TSPAN18: variants seen among roughly 807,000 people sequenced by gnomAD.
The protein encoded by TSPAN18 is tetraspanin 18, also known as tetraspanin-18.
TSPAN18 carries 14 observed loss-of-function variants against 27.3 expected under a neutral mutation model. The observed-to-expected ratio is 0.51, with a 90% CI of 0.34 to 0.80. TSPAN18 has a LOEUF of 0.80. TSPAN18 is among the 30% of genes least tolerant of loss of function. The pLI is 0.01. For missense variants in TSPAN18, 268 were observed against 323.9 expected (o/e 0.83, Z 1.32); for synonymous variants, 143 against 136.5 (o/e 1.05, Z -0.33).
At chr11:44,845,720 G>T (rs1024314152) in intron 2 of TSPAN18, among the ~76,000 whole-genome samples, 2 of 152,214 alleles carry the variant, frequency 1.3e-5, no homozygotes, top group Non-Finnish European at 2.9e-5. Context: ...CCTAGAAATG[G>T]GTGAGCCTGT....
intron 5 of TSPAN18, 126 bp from the exon 6 acceptor site, chr11:44,917,846 G>T (rs996763191): frequency 3.9e-6 from 3 of 762,280 alleles, no homozygotes; most frequent in Non-Finnish European, 6.7e-6. Flanking sequence ...TAGCAGTGGA[G>T]TGCCTTAATC....
At chr11:44,843,700 G>A (rs1463222874) in intron 2 of TSPAN18, among the ~76,000 whole-genome samples, 1 of 152,148 alleles carries the variant, frequency 6.6e-6, no homozygotes, top group East Asian at 1.9e-4. Context: ...ACCCCTAGGT[G>A]CGCATTCTCT....
chr11:44,819,259 C>T (rs943220600), intron 2 of TSPAN18, among the ~76,000 whole-genome samples: 2 of 152,110 alleles, frequency 1.3e-5, no homozygotes, highest in African/African-American at 2.4e-5. Context: ...GGAATTTGCA[C>T]CCACGCAAGC....
At chr11:44,835,205 A>G (rs1857240576) in intron 2 of TSPAN18, among the ~76,000 whole-genome samples, 1 of 152,228 alleles carries the variant, frequency 6.6e-6, no homozygotes, top group Non-Finnish European at 1.5e-5. Flanking sequence ...GGTCCCCGAC[A>G]GCACTGCTGG....
chr11:44,856,761 T>A (rs7120746), intron 2 of TSPAN18, among the ~76,000 whole-genome samples: 68,339 of 151,996 alleles, frequency 0.45, 15,764 homozygotes, highest in African/African-American at 0.5. Flanking sequence ...CTCTGTTGAA[T>A]TCAAGACCAG....
At chr11:44,770,357 G>C (rs1855664000) in intron 2 of TSPAN18, among the ~76,000 whole-genome samples, 1 of 152,154 alleles carries the variant, frequency 6.6e-6, no homozygotes, top group African/African-American at 2.4e-5. Context: ...AATTTGAGCA[G>C]AGACCTAAAG....
chr11:44,872,418 G>A (rs928289383), intron 3 of TSPAN18, among the ~76,000 whole-genome samples: 1 of 152,168 alleles, frequency 6.6e-6, no homozygotes, highest in Non-Finnish European at 1.5e-5. Flanking sequence ...AACCTCATAG[G>A]GTTGCCACGA....
At chr11:44,741,367 G>A (rs1253932303) in intron 1 of TSPAN18, among the ~76,000 whole-genome samples, 2 of 151,858 alleles carry the variant, frequency 1.3e-5, no homozygotes, top group Admixed American at 6.6e-5. Context: ...CTATGTAATC[G>A]AATTTAAATA....
intron 1 of TSPAN18, among the ~76,000 whole-genome samples, chr11:44,742,927 G>T (rs1175198867): frequency 6.6e-6 from 1 of 152,224 alleles, no homozygotes; most frequent in African/African-American, 2.4e-5. Flanking sequence ...TCTTGGATCT[G>T]CAGAGGGACA....
At chr11:44,813,938 A>G (rs1370155116) in intron 2 of TSPAN18, among the ~76,000 whole-genome samples, 1 of 152,238 alleles carries the variant, frequency 6.6e-6, no homozygotes, top group Non-Finnish European at 1.5e-5. Context: ...TCAAGGGTGC[A>G]GAGATCCTGG....
At chr11:44,785,267 C>G (rs999098084) in intron 2 of TSPAN18, among the ~76,000 whole-genome samples, 2 of 152,186 alleles carry the variant, frequency 1.3e-5, no homozygotes, top group African/African-American at 4.8e-5. Flanking sequence ...CCTGAAGTCA[C>G]CTTTTTCCCA....
chr11:44,741,361 G>A (rs921103828), intron 1 of TSPAN18, among the ~76,000 whole-genome samples: 3 of 152,056 alleles, frequency 2.0e-5, no homozygotes, highest in African/African-American at 2.4e-5. Context: ...TGGTTGCTAT[G>A]TAATCGAATT....
chr11:44,882,925 C>T (rs1858536885), intron 3 of TSPAN18, among the ~76,000 whole-genome samples: 2 of 152,330 alleles, frequency 1.3e-5, no homozygotes, highest in Middle Eastern at 3.4e-3. Flanking sequence ...GAAGCCCCGT[C>T]GGAGTCCTGC....
intron 8 of TSPAN18, among the ~76,000 whole-genome samples, chr11:44,921,424 C>T (rs184088041): frequency 2.6e-5 from 4 of 152,306 alleles, no homozygotes; most frequent in East Asian, 1.9e-4. Context: ...ATGGTTATCA[C>T]ACCCCATGAC....
chr11:44,808,666 T>C (rs1856652638), intron 2 of TSPAN18, among the ~76,000 whole-genome samples: 6 of 152,164 alleles, frequency 3.9e-5, no homozygotes, highest in Admixed American at 3.9e-4. Context: ...ATGAAGTTAC[T>C]CTCTGGGGCC....
intron 2 of TSPAN18, among the ~76,000 whole-genome samples, chr11:44,798,036 C>CT (rs1165292169): frequency 6.6e-6 from 1 of 152,054 alleles, no homozygotes; most frequent in Non-Finnish European, 1.5e-5. Context: ...ACCACAGTGC[C>CT]TTTTTTTGTT....
intron 3 of TSPAN18, among the ~76,000 whole-genome samples, chr11:44,864,010 C>T (rs570313112): frequency 5.9e-5 from 9 of 151,606 alleles, no homozygotes; most frequent in African/African-American, 1.2e-4. Flanking sequence ...TGATGGGGAC[C>T]GGGCACGGTG....
At chr11:44,885,444 G>A (rs1018828951) in intron 3 of TSPAN18, among the ~76,000 whole-genome samples, 12 of 152,258 alleles carry the variant, frequency 7.9e-5, no homozygotes, top group South Asian at 6.2e-4. Flanking sequence ...GATTGCCAGC[G>A]TCCTTCCGGG....
intron 2 of TSPAN18, among the ~76,000 whole-genome samples, chr11:44,769,725 A>G (rs1007977972): frequency 2.0e-5 from 3 of 152,174 alleles, no homozygotes; most frequent in Admixed American, 2.0e-4. Context: ...TTTCATGTCT[A>G]TGGGACATTC....
Sources: allele counts gnomAD v4.1 joint callset (sites outside exome capture counted in the v4.1 genomes callset), GRCh38; gene constraint gnomAD v4.1.1; transcripts MANE v1.5; gene names NCBI Gene and HGNC (gene_info 2026-07-23, HGNC 2026-07-21).